Variants in CNTNAP2 observed in about 807,000 individuals in gnomAD.
CNTNAP2 encodes contactin associated protein 2.
Under a neutral mutation model 155.2 loss-of-function variants are expected in CNTNAP2, and 98 were observed. The ratio of observed to expected loss-of-function variants is 0.63; its 90% confidence interval spans 0.54 to 0.75. CNTNAP2 has a LOEUF of 0.75. CNTNAP2 is among the 30% of genes least tolerant of loss of function. The probability of loss-of-function intolerance (pLI) is 0.00; values close to 1 mark genes in which losing one functional copy is unlikely to be tolerated. For missense variants in CNTNAP2, 1,727 were observed against 1,688.1 expected (o/e 1.02, Z -0.40); for synonymous variants, 651 against 631.2 (o/e 1.03, Z -0.47).
intron 13 of CNTNAP2, among the ~76,000 whole-genome samples, chr7:147,707,969 T>C (rs1796341630): frequency 6.6e-6 from 1 of 152,092 alleles, no homozygotes. Context: ...GGCCCTTGGA[T>C]GTCATGTCTG....
intron 13 of CNTNAP2, among the ~76,000 whole-genome samples, chr7:147,701,153 G>T (rs1304154226): frequency 6.6e-6 from 1 of 152,092 alleles, no homozygotes; most frequent in Non-Finnish European, 1.5e-5. Flanking sequence ...AATATGTCAG[G>T]CTCTTTTCAT....
chr7:146,917,412 C>T (rs1445146553), intron 3 of CNTNAP2, among the ~76,000 whole-genome samples: 1 of 152,074 alleles, frequency 6.6e-6, no homozygotes, highest in African/African-American at 2.4e-5. Context: ...GTATTGAGGT[C>T]CCCCAGTATT....
intron 15 of CNTNAP2, among the ~76,000 whole-genome samples, chr7:148,106,251 A>G (rs1310059307): frequency 6.6e-6 from 1 of 152,168 alleles, no homozygotes; most frequent in African/African-American, 2.4e-5. Flanking sequence ...GTTTAAGGCT[A>G]AAATAGGCAT....
chr7:146,429,749 A>G (rs1231543735), intron 1 of CNTNAP2, among the ~76,000 whole-genome samples: 2 of 152,166 alleles, frequency 1.3e-5, no homozygotes, highest in Non-Finnish European at 2.9e-5. Context: ...TCTGGACAGA[A>G]CTTCCAATGC....
intron 15 of CNTNAP2, among the ~76,000 whole-genome samples, chr7:148,008,490 C>A (rs1802018557): frequency 6.6e-6 from 1 of 152,198 alleles, no homozygotes; most frequent in East Asian, 1.9e-4. Context: ...CATTGTACAG[C>A]TTACAATATG....
intron 4 of CNTNAP2, among the ~76,000 whole-genome samples, chr7:147,064,243 GATT>G (rs1051623522): frequency 6.6e-6 from 1 of 151,970 alleles, no homozygotes; most frequent in African/African-American, 2.4e-5. Context: ...ATTAACAAAA[GATT>G]ATTAAAACTC....
chr7:147,000,148 G>A, intron 3 of CNTNAP2, among the ~76,000 whole-genome samples: 1 of 151,652 alleles, frequency 6.6e-6, no homozygotes, highest in East Asian at 1.9e-4. Context: ...AAGTTCTTCT[G>A]TTGATACTCT....
At chr7:148,025,613 C>G (rs147885886) in intron 15 of CNTNAP2, among the ~76,000 whole-genome samples, 15 of 152,302 alleles carry the variant, frequency 9.8e-5, no homozygotes, top group African/African-American at 3.4e-4. Flanking sequence ...CTTCCTGTTA[C>G]CTTAGTACTC....
At chr7:146,698,742 T>C (rs1318036964) in intron 1 of CNTNAP2, among the ~76,000 whole-genome samples, 2 of 152,098 alleles carry the variant, frequency 1.3e-5, no homozygotes, top group African/African-American at 4.8e-5. Flanking sequence ...CTCTCCTCCA[T>C]ATATTATTTG....
intron 13 of CNTNAP2, among the ~76,000 whole-genome samples, chr7:147,685,434 G>A (rs529952342): frequency 1.4e-4 from 21 of 152,030 alleles, no homozygotes; most frequent in African/African-American, 4.8e-4. Flanking sequence ...AGATTTAGAA[G>A]TTATTCTTCT....
chr7:147,217,808 T>A (rs943354945), intron 8 of CNTNAP2, among the ~76,000 whole-genome samples: 1 of 152,160 alleles, frequency 6.6e-6, no homozygotes, highest in East Asian at 1.9e-4. Flanking sequence ...TTATTAATAA[T>A]TGCTTTAATT....
intron 4 of CNTNAP2, among the ~76,000 whole-genome samples, chr7:147,057,505 C>T (rs1453466478): frequency 4.6e-5 from 7 of 152,086 alleles, no homozygotes; most frequent in Non-Finnish European, 8.8e-5. Context: ...TTGCCATCCT[C>T]GACATTGTTG....
At chr7:148,063,628 GT>G (rs1803200915) in intron 15 of CNTNAP2, among the ~76,000 whole-genome samples, 1 of 150,636 alleles carries the variant, frequency 6.6e-6, no homozygotes, top group Non-Finnish European at 1.5e-5. Flanking sequence ...AACAGGTAGT[GT>G]TTAGTTACAT....
chr7:147,986,090 G>A (rs1022915958), intron 15 of CNTNAP2, among the ~76,000 whole-genome samples: 1 of 151,816 alleles, frequency 6.6e-6, no homozygotes, highest in Non-Finnish European at 1.5e-5. Context: ...CCCTACTATT[G>A]TTCTGAAAGC....
chr7:146,539,292 A>T (rs1477695124), intron 1 of CNTNAP2, among the ~76,000 whole-genome samples: 1 of 152,030 alleles, frequency 6.6e-6, no homozygotes, highest in Non-Finnish European at 1.5e-5. Flanking sequence ...GTTTCTGAAG[A>T]ATGAGGAAGG....
intron 1 of CNTNAP2, among the ~76,000 whole-genome samples, chr7:146,191,057 G>T (rs1477532261): frequency 6.6e-6 from 1 of 152,086 alleles, no homozygotes; most frequent in South Asian, 2.1e-4. Flanking sequence ...ATTCTTTCTG[G>T]TCACCAATTA....
intron 1 of CNTNAP2, among the ~76,000 whole-genome samples, chr7:146,642,206 G>A (rs949001396): frequency 6.6e-6 from 1 of 151,096 alleles, no homozygotes; most frequent in African/African-American, 2.4e-5. Flanking sequence ...TGTGCACAAT[G>A]TGCAGGTTAG....
intron 13 of CNTNAP2, among the ~76,000 whole-genome samples, chr7:147,688,769 G>A (rs1384434796): frequency 6.6e-6 from 1 of 152,104 alleles, no homozygotes; most frequent in Non-Finnish European, 1.5e-5. Flanking sequence ...TAAACTGGAG[G>A]TCCACCTTAC....
intron 15 of CNTNAP2, among the ~76,000 whole-genome samples, chr7:148,050,615 A>G (rs551213411): frequency 1.2e-4 from 19 of 152,338 alleles, no homozygotes; most frequent in African/African-American, 4.1e-4. Context: ...GTGAAGCCTA[A>G]GTATACAGTA....
Sources: allele counts gnomAD v4.1 joint callset (sites outside exome capture counted in the v4.1 genomes callset), GRCh38; gene constraint gnomAD v4.1.1; transcripts MANE v1.5; gene names NCBI Gene and HGNC (gene_info 2026-07-23, HGNC 2026-07-21).